STRN3: variants seen among roughly 807,000 people sequenced by gnomAD.
The protein encoded by STRN3 is striatin 3, also known as striatin-3.
A neutral mutation model predicts 95.6 loss-of-function variants in STRN3; 29 were observed. The observed-to-expected ratio is 0.30, with a 90% confidence interval of 0.23 to 0.41. The LOEUF (loss-of-function observed/expected upper bound fraction) is 0.41, where lower values mean the gene tolerates loss of function less well. Among genes scored for constraint, STRN3 ranks in the 10% least tolerant of loss-of-function variants. The probability of loss-of-function intolerance (pLI) is 1.00; values close to 1 mark genes in which losing one functional copy is unlikely to be tolerated. For synonymous variants in STRN3, 331 were observed against 357.6 expected, an observed-to-expected ratio of 0.93 and a Z score of 0.84; for missense variants, 890 against 972.1, an observed-to-expected ratio of 0.92 and a Z score of 1.12.
chr14:30,944,586 C>T (rs1037995490), intron 5 of STRN3, among the ~76,000 whole-genome samples: 4 of 145,318 alleles, frequency 2.8e-5, no homozygotes, highest in Admixed American at 6.9e-5. Flanking sequence ...CACAGACACA[C>T]GCACATACAT....
chr14:30,969,423 C>T (rs1454586330), intron 1 of STRN3, among the ~76,000 whole-genome samples: 1 of 151,374 alleles, frequency 6.6e-6, no homozygotes, highest in African/African-American at 2.4e-5. Flanking sequence ...GGCCACAGAG[C>T]GAGACTCTGT....
At chr14:30,902,716 C>G in intron 15 of STRN3, 73 bp from the exon 16 acceptor site, 1 of 960,036 alleles carries the variant, frequency 1.0e-6, no homozygotes, top group Non-Finnish European at 1.6e-6. Context: ...CCTTTTTAAT[C>G]GTGCTAAAAT....
At chr14:30,931,200 C>A (rs1236018857) in intron 7 of STRN3, among the ~76,000 whole-genome samples, 1 of 152,036 alleles carries the variant, frequency 6.6e-6, no homozygotes, top group Non-Finnish European at 1.5e-5. Context: ...TTGGTGAATG[C>A]ATATGTGCAC....
chr14:30,904,961 TAAAAA>T (rs374512182), intron 15 of STRN3, among the ~76,000 whole-genome samples: 1 of 126,062 alleles, frequency 7.9e-6, no homozygotes, highest in Non-Finnish European at 1.7e-5. Flanking sequence ...TTTCGTCAAT[TAAAAA>T]AAAAAAAAAA....
At chr14:30,938,350 A>G (rs1443599935) in intron 5 of STRN3, among the ~76,000 whole-genome samples, 2 of 152,228 alleles carry the variant, frequency 1.3e-5, no homozygotes, top group African/African-American at 4.8e-5. Context: ...AATTTACAAT[A>G]TAACTTAATA....
chr14:31,018,315 T>G (rs1157475717), intron 1 of STRN3: 5 of 258,462 alleles, frequency 1.9e-5, no homozygotes, highest in Non-Finnish European at 3.0e-5. Context: ...GTGGGCACCA[T>G]GTTGCATTCA....
At chr14:30,902,260 A>T (rs1432346425) in intron 16 of STRN3, among the ~76,000 whole-genome samples, 1 of 151,456 alleles carries the variant, frequency 6.6e-6, no homozygotes, top group Non-Finnish European at 1.5e-5. Flanking sequence ...ATACTTATTC[A>T]TAACAGAATA....
chr14:30,897,170 T>C (rs1452882500), intron 16 of STRN3, among the ~76,000 whole-genome samples: 1 of 152,172 alleles, frequency 6.6e-6, no homozygotes, highest in Non-Finnish European at 1.5e-5. Flanking sequence ...GATGATACTC[T>C]ACACTAGGAT....
chr14:30,921,031 C>T (rs765257583), intron 8 of STRN3, among the ~76,000 whole-genome samples: 5 of 150,118 alleles, frequency 3.3e-5, no homozygotes, highest in Non-Finnish European at 7.4e-5. Context: ...TTATCCTCAC[C>T]CATTCTCAGA....
chr14:31,008,064 G>A (rs1408646673), intron 1 of STRN3, among the ~76,000 whole-genome samples: 3 of 151,932 alleles, frequency 2.0e-5, no homozygotes, highest in East Asian at 3.9e-4. Context: ...GATGGCGGGT[G>A]CCTATAATCC....
At chr14:30,949,076 G>A (rs926756263) in intron 4 of STRN3, among the ~76,000 whole-genome samples, 1 of 152,200 alleles carries the variant, frequency 6.6e-6, no homozygotes, top group African/African-American at 2.4e-5. Context: ...ATAGAGAGGA[G>A]CAGAAAATCA....
intron 9 of STRN3, 43 bp from the exon 10 acceptor site, chr14:30,913,700 C>T (rs1303445212): frequency 1.9e-6 from 3 of 1,584,622 alleles, no homozygotes; most frequent in Non-Finnish European, 1.7e-6. Context: ...AAAAATCATA[C>T]AGTACAAGAC....
At chr14:30,944,815 G>A (rs1157737029) in intron 5 of STRN3, among the ~76,000 whole-genome samples, 1 of 151,592 alleles carries the variant, frequency 6.6e-6, no homozygotes, top group African/African-American at 2.4e-5. Context: ...TCACCATGTT[G>A]GTCAACAGGC....
chr14:31,013,218 C>T (rs1322166460), intron 1 of STRN3, among the ~76,000 whole-genome samples: 1 of 151,198 alleles, frequency 6.6e-6, no homozygotes, highest in Non-Finnish European at 1.5e-5. Context: ...ACAATAACAA[C>T]AACAAAATTA....
rs183622984 is a variant in STRN3 at position 30,902,787 on chromosome 14, G to A, written c.2030-144C>T. 6 of 592,910 alleles carry A rather than the reference G, an allele frequency of 1.0e-5. No homozygotes were observed. In the East Asian group the frequency reaches 1.5e-4, roughly 15 times the overall value. The allele number at this position is 592,910 out of a possible 1,614,324, so 36.7% of individuals were successfully genotyped here. Reference sequence around the variant, plus strand: ...ACAAAAAATCTGAGAACCAAACAAGGACTCTAGAGAGATTTTTAAAAAATA... The same window carrying A: ...ACAAAAAATCTGAGAACCAAACAAGAACTCTAGAGAGATTTTTAAAAAATA... On this transcript the variant is annotated intron_variant, in intron 15 of 17. Coordinates refer to ENST00000357479, the MANE Select transcript of STRN3 (RefSeq NM_001083893.2).
rs1157171798 is a variant in STRN3, at chr14:30,918,833, T to C, written c.1240+133A>G. 1.2e-5 allele frequency: 11 copies of C among 895,526 alleles called. No homozygotes were observed. In the Admixed American group the frequency reaches 3.4e-4, roughly 28 times the overall value. The allele number at this position is 895,526 out of a possible 1,614,324, so 55.5% of individuals were successfully genotyped here. ...CCCTAAATTAGTTACATCAAGAGCT[T>C]GCCCAACACCTTCTCTAAAGATCAT... On this transcript the variant is annotated intron_variant, in intron 9 of 17. Coordinates refer to ENST00000357479, the MANE Select transcript of STRN3 (RefSeq NM_001083893.2).
intron 1 of STRN3, among the ~76,000 whole-genome samples, chr14:31,017,135 C>T (rs1371349457): frequency 6.6e-6 from 1 of 152,058 alleles, no homozygotes; most frequent in African/African-American, 2.4e-5. Context: ...GCCTGGGTGA[C>T]AGACTGAGAC....
intron 1 of STRN3, among the ~76,000 whole-genome samples, chr14:31,021,118 T>A (rs1368934582): frequency 6.6e-6 from 1 of 152,116 alleles, no homozygotes; most frequent in Non-Finnish European, 1.5e-5. Context: ...TTAACTTTAA[T>A]GTGGCAAGGA....
chr14:30,915,868 G>A (rs1274152009), intron 9 of STRN3, among the ~76,000 whole-genome samples: 1 of 152,210 alleles, frequency 6.6e-6, no homozygotes, highest in African/African-American at 2.4e-5. Context: ...CATGTGAAGG[G>A]AAGTGTCTGG....
Sources: gnomAD v4.1 joint callset for allele counts (sites outside exome capture counted in the v4.1 genomes callset) on GRCh38, gnomAD v4.1.1 for gene constraint, MANE v1.5 for transcripts, NCBI Gene and HGNC (gene_info 2026-07-23, HGNC 2026-07-21) for gene names.